The following ARHGAP15 variants were observed in gnomAD, a reference collection of about 807,000 sequenced individuals.
ARHGAP15 encodes Rho GTPase activating protein 15.
In ARHGAP15, 51 loss-of-function variants were observed where a neutral mutation model predicts 63.7. The ratio of observed to expected loss-of-function variants is 0.80; its 90% CI spans 0.64 to 1.01. The LOEUF is 1.01. Among genes scored for constraint, ARHGAP15 ranks in the 50% least tolerant of loss-of-function variants. The probability of loss-of-function intolerance (pLI) is 0.00; values close to 1 mark genes in which losing one functional copy is unlikely to be tolerated. For synonymous variants in ARHGAP15, 191 were observed against 193.8 expected (o/e 0.99, Z 0.12); for missense variants, 560 against 564.6 (o/e 0.99, Z 0.08).
At chr2:143,436,097 C>T (rs1185013098) in intron 7 of ARHGAP15, among the ~76,000 whole-genome samples, 2 of 151,706 alleles carry the variant, frequency 1.3e-5, no homozygotes, top group Non-Finnish European at 2.9e-5. Context: ...TAAATAATAA[C>T]CCTTTGTACT....
chr2:143,494,051 T>C (rs139512627), intron 9 of ARHGAP15, among the ~76,000 whole-genome samples: 16 of 152,302 alleles, frequency 1.1e-4, no homozygotes, highest in African/African-American at 3.8e-4. Context: ...ATAATGTATA[T>C]AGTGGACAGG....
At chr2:143,407,353 T>C (rs982955556) in intron 6 of ARHGAP15, among the ~76,000 whole-genome samples, 1 of 151,930 alleles carries the variant, frequency 6.6e-6, no homozygotes, top group Non-Finnish European at 1.5e-5. Context: ...GATTTTATTT[T>C]ATGCTAATTG....
intron 6 of ARHGAP15, among the ~76,000 whole-genome samples, chr2:143,297,701 GTC>G (rs1417853220): frequency 6.6e-6 from 1 of 151,920 alleles, no homozygotes; most frequent in Non-Finnish European, 1.5e-5. Flanking sequence ...AAAAGGAAAA[GTC>G]TTCCTGTAAC....
chr2:143,192,689 G>A (rs745793053), intron 2 of ARHGAP15, among the ~76,000 whole-genome samples: 21 of 152,176 alleles, frequency 1.4e-4, no homozygotes, highest in Admixed American at 7.8e-4. Flanking sequence ...AAGACCTCCA[G>A]TCAGGGTTAT....
intron 10 of ARHGAP15, among the ~76,000 whole-genome samples, chr2:143,532,225 T>G (rs1041132681): frequency 2.0e-5 from 3 of 152,184 alleles, no homozygotes; most frequent in African/African-American, 7.2e-5. Flanking sequence ...GATGCCAAGA[T>G]TTTACAGGCA....
intron 8 of ARHGAP15, among the ~76,000 whole-genome samples, chr2:143,482,544 G>A (rs976815843): frequency 2.6e-5 from 4 of 152,184 alleles, no homozygotes; most frequent in African/African-American, 9.7e-5. Context: ...AGCAAACTAT[G>A]TCCCGATTAT....
chr2:143,235,928 T>G (rs2104931870), intron 5 of ARHGAP15: 1 of 1,544,796 alleles, frequency 6.5e-7, no homozygotes, highest in Middle Eastern at 1.7e-4. Context: ...AAGTACCTGC[T>G]GTACTTTGTG....
intron 13 of ARHGAP15, among the ~76,000 whole-genome samples, chr2:143,717,766 G>T (rs930607993): frequency 3.3e-5 from 5 of 151,838 alleles, no homozygotes; most frequent in South Asian, 2.1e-4. Flanking sequence ...ACGGGGCTGG[G>T]AAAGACGAGA....
At chr2:143,675,996 G>T (rs1007715035) in intron 12 of ARHGAP15, among the ~76,000 whole-genome samples, 1 of 152,196 alleles carries the variant, frequency 6.6e-6, no homozygotes, top group Admixed American at 6.5e-5. Flanking sequence ...CCATCATCAA[G>T]TATGTTAGCT....
chr2:143,403,803 C>G (rs914009568), intron 6 of ARHGAP15, among the ~76,000 whole-genome samples: 1 of 151,504 alleles, frequency 6.6e-6, no homozygotes, highest in Non-Finnish European at 1.5e-5. Flanking sequence ...TCACTCAATC[C>G]CTTTGATTGT....
intron 1 of ARHGAP15, among the ~76,000 whole-genome samples, chr2:143,131,358 A>T (rs1362415572): frequency 6.6e-6 from 1 of 152,228 alleles, no homozygotes; most frequent in Non-Finnish European, 1.5e-5. Context: ...ACAAGTTTTG[A>T]TGAAATGAAA....
chr2:143,417,395 G>A (rs1688736656), intron 6 of ARHGAP15, among the ~76,000 whole-genome samples: 1 of 152,110 alleles, frequency 6.6e-6, no homozygotes, highest in South Asian at 2.1e-4. Flanking sequence ...TTCACAAAAT[G>A]CACTAGGAGA....
intron 6 of ARHGAP15, among the ~76,000 whole-genome samples, chr2:143,263,863 C>T (rs1423362730): frequency 2.1e-5 from 3 of 141,686 alleles, no homozygotes; most frequent in African/African-American, 7.9e-5. Flanking sequence ...CTCTTCACCA[C>T]AGTCCTATAA....
intron 11 of ARHGAP15, among the ~76,000 whole-genome samples, chr2:143,557,084 T>G (rs1269130972): frequency 6.6e-6 from 1 of 152,112 alleles, no homozygotes; most frequent in African/African-American, 2.4e-5. Context: ...GAAGAAAATT[T>G]GGCAGTTTCT....
intron 1 of ARHGAP15, among the ~76,000 whole-genome samples, chr2:143,152,794 C>A (rs1307270899): frequency 1.3e-5 from 2 of 151,798 alleles, no homozygotes; most frequent in African/African-American, 4.8e-5. Context: ...ATAAAGAGAA[C>A]AAACTTAGTG....
intron 9 of ARHGAP15, among the ~76,000 whole-genome samples, chr2:143,506,996 G>C (rs936744205): frequency 6.6e-6 from 1 of 151,810 alleles, no homozygotes; most frequent in African/African-American, 2.4e-5. Flanking sequence ...ATTCATTTAT[G>C]CACTCATTAG....
intron 5 of ARHGAP15, among the ~76,000 whole-genome samples, chr2:143,229,400 C>T (rs180684017): frequency 1.3e-5 from 2 of 152,192 alleles, no homozygotes; most frequent in East Asian, 3.9e-4. Context: ...GGGTTTCTTC[C>T]TTGTACCTGG....
chr2:143,494,223 G>T (rs1256333376), intron 9 of ARHGAP15, among the ~76,000 whole-genome samples: 6 of 152,094 alleles, frequency 3.9e-5, no homozygotes, highest in Non-Finnish European at 8.8e-5. Flanking sequence ...TAGATCATCT[G>T]AATTGATGGT....
At chr2:143,482,776 A>G (rs1692139126) in intron 8 of ARHGAP15, among the ~76,000 whole-genome samples, 1 of 152,214 alleles carries the variant, frequency 6.6e-6, no homozygotes, top group South Asian at 2.1e-4. Context: ...GCACTTCTTA[A>G]CATTTTTATT....
Sources: gnomAD v4.1 joint callset for allele counts (sites outside exome capture counted in the v4.1 genomes callset) on GRCh38, gnomAD v4.1.1 for gene constraint, MANE v1.5 for transcripts, NCBI Gene and HGNC (gene_info 2026-07-23, HGNC 2026-07-21) for gene names.